HMGA2: variants seen among roughly 807,000 people sequenced by gnomAD.
HMGA2 encodes high mobility group protein HMGI-C.
Under a neutral mutation model 19.1 loss-of-function variants are expected in HMGA2, and 8 were observed. The observed-to-expected ratio is 0.42, with a 90% confidence interval of 0.25 to 0.76. The LOEUF (loss-of-function observed/expected upper bound fraction) is 0.76, where lower values mean the gene tolerates loss of function less well. Among genes scored for constraint, HMGA2 ranks in the 30% least tolerant of loss-of-function variants. The pLI is 0.28. For synonymous variants in HMGA2, 60 were observed against 48.8 expected, an observed-to-expected ratio of 1.23 and a Z score of -0.96; for missense variants, 109 against 136.3, an observed-to-expected ratio of 0.80 and a Z score of 1.00.
chr12:65,901,657 A>G (rs560894671), intron 3 of HMGA2, among the ~76,000 whole-genome samples: 1 of 152,352 alleles, frequency 6.6e-6, no homozygotes, highest in African/African-American at 2.4e-5. Flanking sequence ...TTTACTAAAC[A>G]TTCCTTAAAT....
chr12:65,930,446 G>A (rs1297727896), intron 3 of HMGA2, among the ~76,000 whole-genome samples: 1 of 152,230 alleles, frequency 6.6e-6, no homozygotes, highest in East Asian at 1.9e-4. Flanking sequence ...CTTTCATGGG[G>A]ACAGAAGAGA....
chr12:65,940,852 TA>T (rs1434328646), intron 3 of HMGA2, among the ~76,000 whole-genome samples: 2 of 152,192 alleles, frequency 1.3e-5, no homozygotes, highest in African/African-American at 2.4e-5. Context: ...TTGTAAGGGT[TA>T]AAATCAGTCA....
intron 3 of HMGA2, among the ~76,000 whole-genome samples, chr12:65,921,805 G>C (rs1036296949): frequency 1.3e-5 from 2 of 152,322 alleles, no homozygotes; most frequent in African/African-American, 4.8e-5. Flanking sequence ...TTGTGGGCCA[G>C]GCCCAGGGTC....
chr12:65,872,073 A>T (rs1464465892), intron 3 of HMGA2, among the ~76,000 whole-genome samples: 2 of 152,272 alleles, frequency 1.3e-5, no homozygotes, highest in Middle Eastern at 6.8e-3. Flanking sequence ...CAAATGAAAC[A>T]TATGCTCCAG....
At chr12:65,895,742 G>A (rs976929346) in intron 3 of HMGA2, among the ~76,000 whole-genome samples, 8 of 146,542 alleles carry the variant, frequency 5.5e-5, no homozygotes, top group African/African-American at 2.2e-4. Context: ...AGTCTGCCTA[G>A]CAGACTTCTT....
intron 3 of HMGA2, among the ~76,000 whole-genome samples, chr12:65,947,032 A>G (rs879665095): frequency 3.3e-5 from 5 of 152,200 alleles, no homozygotes; most frequent in African/African-American, 9.6e-5. Context: ...TAGACTGCAG[A>G]GAACTACTCA....
chr12:65,896,938 A>G (rs1484187810), intron 3 of HMGA2, among the ~76,000 whole-genome samples: 1 of 152,220 alleles, frequency 6.6e-6, no homozygotes, highest in Non-Finnish European at 1.5e-5. Flanking sequence ...TGGCTGTGTT[A>G]TCAATGCCAG....
intron 2 of HMGA2, among the ~76,000 whole-genome samples, chr12:65,831,495 T>A (rs777254072): frequency 6.6e-6 from 1 of 151,814 alleles, no homozygotes; most frequent in Non-Finnish European, 1.5e-5. Context: ...CCCTACTTCA[T>A]CATGTCATAT....
rs570464779 is a variant in HMGA2, at chr12:65,896,562, T to C, written c.250-54821T>C. On this transcript the variant is annotated intron_variant, in intron 3 of 4. Transcript: ENST00000403681. Reference sequence around the variant, plus strand: ...TCTGCTTTTTCCTTCTTCCTCCTCTTCTCCCTGTTCTTTTTATGAACGCAC... The same window carrying C: ...TCTGCTTTTTCCTTCTTCCTCCTCTCCTCCCTGTTCTTTTTATGAACGCAC... 3.9e-4 allele frequency among the ~76,000 whole-genome samples: 59 copies of C among 152,314 alleles called. 1 individual carries two copies. Among genetic ancestry groups the C allele is most frequent in the Admixed American group, 2.0e-4 (3 of 15,298 alleles).
chr12:65,838,324 TGAA>T (rs1437231226), intron 2 of HMGA2, among the ~76,000 whole-genome samples, 192 bp from the exon 3 acceptor site: 1 of 150,532 alleles, frequency 6.6e-6, no homozygotes, highest in Non-Finnish European at 1.5e-5. Flanking sequence ...CATCATGCAA[TGAA>T]GAAGAATCTA....
At chr12:65,901,340 A>G (rs553349562) in intron 3 of HMGA2, among the ~76,000 whole-genome samples, 74 of 152,376 alleles carry the variant, frequency 4.9e-4, no homozygotes, top group Non-Finnish European at 8.8e-4. Flanking sequence ...AGTCACTCAC[A>G]TTATTGATGA....
intron 3 of HMGA2, among the ~76,000 whole-genome samples, chr12:65,906,210 C>G (rs1487454334): frequency 6.6e-6 from 1 of 152,142 alleles, no homozygotes; most frequent in African/African-American, 2.4e-5. Flanking sequence ...AGACATCAGC[C>G]TGCAGCTAAA....
At chr12:65,826,040 A>G (rs1208798824) in intron 1 of HMGA2, 3 of 152,422 alleles carry the variant, frequency 2.0e-5, no homozygotes, top group Non-Finnish European at 4.4e-5. Flanking sequence ...GGCAGGGGCT[A>G]CGGGGAGCCT....
At chr12:65,947,119 AC>A (rs1353093957) in intron 3 of HMGA2, among the ~76,000 whole-genome samples, 2 of 147,948 alleles carry the variant, frequency 1.4e-5, no homozygotes, top group South Asian at 2.1e-4. Context: ...TTGAATTCTC[AC>A]CACTTTTTTT....
intron 3 of HMGA2, among the ~76,000 whole-genome samples, chr12:65,899,913 TATTCA>T (rs1874300895): frequency 6.6e-6 from 1 of 152,214 alleles, no homozygotes; most frequent in Non-Finnish European, 1.5e-5. Flanking sequence ...GTTTTTCTAC[TATTCA>T]AGTTAGACAC....
chr12:65,861,869 A>G (rs1463267096), intron 3 of HMGA2, among the ~76,000 whole-genome samples: 4 of 149,652 alleles, frequency 2.7e-5, no homozygotes, highest in Non-Finnish European at 1.5e-5. Context: ...TTTGGAATGA[A>G]GTTTCGCTCT....
intron 4 of HMGA2, among the ~76,000 whole-genome samples, chr12:65,962,665 C>T (rs1876784411): frequency 6.6e-6 from 1 of 152,162 alleles, no homozygotes; most frequent in South Asian, 2.1e-4. Flanking sequence ...CCAACCCGAC[C>T]CAAATCCTGG....
At chr12:65,907,716 A>G (rs900193838) in intron 3 of HMGA2, among the ~76,000 whole-genome samples, 6 of 152,254 alleles carry the variant, frequency 3.9e-5, no homozygotes, top group African/African-American at 9.6e-5. Flanking sequence ...ATTATTGGAC[A>G]AGTGCTTAAT....
chr12:65,915,716 C>T (rs1039852389), intron 3 of HMGA2, among the ~76,000 whole-genome samples: 4 of 152,154 alleles, frequency 2.6e-5, no homozygotes, highest in African/African-American at 4.8e-5. Flanking sequence ...GAATACCTAC[C>T]TTGACTTACA....
Sources: allele counts gnomAD v4.1 joint callset (sites outside exome capture counted in the v4.1 genomes callset), GRCh38; gene constraint gnomAD v4.1.1; transcripts MANE v1.5; gene names NCBI Gene and HGNC (gene_info 2026-07-23, HGNC 2026-07-21).